The following PDZD2 variants were observed in gnomAD, a reference collection of about 807,000 sequenced individuals.
The protein encoded by PDZD2 is PDZ domain-containing protein 2.
A neutral mutation model predicts 220.7 loss-of-function variants in PDZD2; 90 were observed. The ratio of observed to expected loss-of-function variants is 0.41; its 90% CI spans 0.34 to 0.49. The LOEUF (loss-of-function observed/expected upper bound fraction) is 0.49. Among genes scored for constraint, PDZD2 ranks in the 20% least tolerant of loss-of-function variants. The probability of loss-of-function intolerance (pLI) is 0.28; values close to 1 mark genes in which losing one functional copy is unlikely to be tolerated. For missense variants in PDZD2, 3,174 were observed against 3,608.5 expected (o/e 0.88, Z 3.08); for synonymous variants, 1,375 against 1,450.5 (o/e 0.95, Z 1.18).
intron 6 of PDZD2, among the ~76,000 whole-genome samples, chr5:32,025,911 A>G (rs1455419341): frequency 6.6e-6 from 1 of 151,906 alleles, no homozygotes; most frequent in Non-Finnish European, 1.5e-5. Flanking sequence ...ACGATGTCTT[A>G]CTTTTCACCT....
intron 14 of PDZD2, among the ~76,000 whole-genome samples, chr5:32,067,367 CA>C (rs1740308978): frequency 6.6e-6 from 1 of 151,410 alleles, no homozygotes; most frequent in South Asian, 2.1e-4. Context: ...TTAAGAAAAA[CA>C]GCAACCACTC....
In PDZD2 at chr5:31,782,754, C is replaced by G. The variant is rs114602634; in HGVS notation, c.-360-16135C>G. The stretch of plus-strand genomic sequence containing the variant: ...TTTGAGAAAGAGTGTTGCGCTATCA[C>G]CCAGGCTGGAGTGAAGTGGCACGAT... On this transcript the variant is annotated intron_variant, in intron 1 of 24. Coordinates refer to ENST00000438447, the MANE Select transcript of PDZD2 (RefSeq NM_178140.4). 6.2e-3 allele frequency among the ~76,000 whole-genome samples: 863 copies of G among 140,024 alleles called. 8 individuals are homozygous for G. The highest frequency in any genetic ancestry group is 0.022 in the African/African-American group (801 of 37,200). 91.9% of individuals were successfully genotyped at this position (140,024 alleles called of 152,430 possible).
chr5:31,862,101 G>GGGT (rs1554084877), intron 2 of PDZD2, among the ~76,000 whole-genome samples: 5 of 78,498 alleles, frequency 6.4e-5, no homozygotes, highest in Non-Finnish European at 1.2e-4. Flanking sequence ...TTTTTTTTGG[G>GGGT]TTTTTTTTTT....
At chr5:31,768,220 G>A (rs10073830) in intron 1 of PDZD2, among the ~76,000 whole-genome samples, 15,414 of 152,222 alleles carry the variant, frequency 0.1, 870 homozygotes, top group South Asian at 0.2. Flanking sequence ...GTCTCCAAAG[G>A]CTGGGAACTC....
In PDZD2 at chr5:32,000,042, C is replaced by T. The variant is rs545806380; in HGVS notation, c.1122-97C>T. On this transcript the variant is annotated intron_variant, in intron 4 of 24. Transcript: ENST00000438447. The surrounding 1 kb of genome is among the most constrained non-coding windows in gnomAD (Gnocchi z 4.5). ...GTATCCTCTTTAGCCCAATCTTAAC[C>T]GTCCCTCCTCACAACCCTCCCTAGC... 143 of 1,037,392 alleles carry T rather than the reference C, an allele frequency of 1.4e-4. No individual in the cohort carries two copies. The highest frequency in any genetic ancestry group is 1.9e-4 in the Non-Finnish European group (131 of 690,452). 64.3% of individuals were successfully genotyped at this position (1,037,392 alleles called of 1,614,324 possible).
rs73056566 is a variant in PDZD2 at position 31,735,495 on chromosome 5, C to G, written c.-360-63394C>G. On this transcript the variant is annotated intron_variant, in intron 1 of 24. Coordinates refer to ENST00000438447, the MANE Select transcript of PDZD2 (RefSeq NM_178140.4). ...TGACCTTCCATGACCCATTTGTAAA[C>G]TCTGTATTTTAAAATATTCCAGGCT... Among the ~76,000 whole-genome samples, 438 of 152,254 alleles carry G rather than the reference C, an allele frequency of 2.9e-3. 5 individuals carry two copies. Among genetic ancestry groups the G allele is most frequent in the African/African-American group, 0.01 (422 of 41,544 alleles).
At chr5:31,740,248 C>T (rs543467564) in intron 1 of PDZD2, among the ~76,000 whole-genome samples, 3 of 151,794 alleles carry the variant, frequency 2.0e-5, no homozygotes, top group African/African-American at 4.8e-5. Flanking sequence ...TGGCTGGGTG[C>T]GGTGGCTCAA....
intron 2 of PDZD2, among the ~76,000 whole-genome samples, chr5:31,889,101 C>G (rs1209652507): frequency 6.6e-6 from 1 of 152,042 alleles, no homozygotes; most frequent in African/African-American, 2.4e-5. Context: ...ACAGAAAATC[C>G]CAGAGCCTTT....
intron 2 of PDZD2, among the ~76,000 whole-genome samples, chr5:31,972,596 T>C (rs1286768445): frequency 6.6e-6 from 1 of 152,226 alleles, no homozygotes; most frequent in Non-Finnish European, 1.5e-5. Context: ...CTTGTAGTAG[T>C]TATTCAGTAA....
At chr5:31,659,231 T>C (rs536064255) in intron 1 of PDZD2, among the ~76,000 whole-genome samples, 2 of 152,268 alleles carry the variant, frequency 1.3e-5, no homozygotes, top group South Asian at 4.2e-4. Context: ...ATTCTCCCTC[T>C]ACTTTTTTGA....
chr5:32,027,949 C>T (rs888701738), intron 6 of PDZD2, among the ~76,000 whole-genome samples: 1 of 144,560 alleles, frequency 6.9e-6, no homozygotes, highest in Non-Finnish European at 1.5e-5. Flanking sequence ...GAAATCGCTG[C>T]GTTCCACTGT....
intron 1 of PDZD2, among the ~76,000 whole-genome samples, chr5:31,783,444 C>T (rs764600895): frequency 1.3e-4 from 20 of 152,138 alleles, no homozygotes; most frequent in Non-Finnish European, 2.5e-4. Flanking sequence ...TAATCACCTC[C>T]TCAGGCGAGA....
intron 1 of PDZD2, among the ~76,000 whole-genome samples, chr5:31,783,340 G>A (rs528587701): frequency 1.4e-4 from 21 of 152,246 alleles, no homozygotes; most frequent in African/African-American, 4.8e-4. Context: ...GAGAACACGG[G>A]AGGGAAGGAT....
intron 19 of PDZD2, among the ~76,000 whole-genome samples, chr5:32,078,638 T>TGA (rs1561525673): frequency 0.055 from 5,799 of 104,826 alleles, 198 homozygotes; most frequent in Non-Finnish European, 0.075. Context: ...TCTCAAAAAT[T>TGA]AAAAAAAAAA....
intron 1 of PDZD2, among the ~76,000 whole-genome samples, chr5:31,722,425 TTTC>T (rs1390605771): frequency 2.6e-5 from 4 of 152,018 alleles, no homozygotes; most frequent in African/African-American, 7.2e-5. Context: ...GTACAGCTGA[TTTC>T]TTCTTATCTT....
intron 2 of PDZD2, among the ~76,000 whole-genome samples, chr5:31,887,977 C>A (rs1264745802): frequency 1.3e-5 from 2 of 152,060 alleles, no homozygotes. Context: ...TTCCAACATA[C>A]GATGGGCATT....
chr5:31,887,878 G>A (rs1304027476), intron 2 of PDZD2, among the ~76,000 whole-genome samples: 2 of 151,596 alleles, frequency 1.3e-5, no homozygotes, highest in African/African-American at 4.8e-5. Context: ...TGGTCTGTGG[G>A]GGGACAGTTA....
chr5:32,085,682 G>A (rs1174505366), intron 19 of PDZD2, among the ~76,000 whole-genome samples: 1 of 139,968 alleles, frequency 7.1e-6, no homozygotes, highest in African/African-American at 3.2e-5. Context: ...CTTGACCTCA[G>A]GTGATCCACC....
chr5:31,845,508 C>G (rs1161066428), intron 2 of PDZD2, among the ~76,000 whole-genome samples: 1 of 152,176 alleles, frequency 6.6e-6, no homozygotes, highest in East Asian at 1.9e-4. Context: ...GAAGAGAGAG[C>G]TAACAGTGGG....
Sources: gnomAD v4.1 joint callset for allele counts (sites outside exome capture counted in the v4.1 genomes callset) on GRCh38, gnomAD v4.1.1 for gene constraint, Gnocchi (gnomAD v3.1) non-coding constraint, MANE v1.5 for transcripts, NCBI Gene and HGNC (gene_info 2026-07-23, HGNC 2026-07-21) for gene names.